The following ZNF600 variants were observed in gnomAD, a reference collection of about 807,000 sequenced individuals.
ZNF600 encodes zinc finger protein 600.
Under a neutral mutation model 7.3 loss-of-function variants are expected in ZNF600, and 4 were observed. The observed-to-expected ratio is 0.55, with a 90% CI of 0.27 to 1.25. The LOEUF is 1.25. Ranked by LOEUF, ZNF600 falls within the 50% of genes most tolerant of loss-of-function variation. The pLI is 0.12. For synonymous variants in ZNF600, 290 were observed against 308.9 expected (o/e 0.94, Z 0.64); for missense variants, 911 against 922.1 (o/e 0.99, Z 0.16).
At chr19:52,785,016 C>G (rs111412494) in intron 1 of ZNF600, among the ~76,000 whole-genome samples, 2 of 152,288 alleles carry the variant, frequency 1.3e-5, no homozygotes, top group East Asian at 3.9e-4. Context: ...AGATTACAGG[C>G]ATGAGCCACT....
chr19:52,777,058 C>T (rs995209819), intron 2 of ZNF600, among the ~76,000 whole-genome samples: 5 of 152,112 alleles, frequency 3.3e-5, no homozygotes, highest in African/African-American at 1.2e-4. Flanking sequence ...TGCCTATCTC[C>T]ACTTTCCACT....
the ZNF600 span, among the ~76,000 whole-genome samples, chr19:52,817,069 T>C: frequency 6.6e-6 from 1 of 152,064 alleles, no homozygotes. Context: ...TGATTTCATG[T>C]TCTTAAAATA....
chr19:52,778,170 C>A lies in ZNF600; in HGVS notation c.63+656G>T, dbSNP rs540974890. Among the ~76,000 whole-genome samples the A allele has an allele frequency of 2.6e-5, 4 of 152,160 alleles. No individual in the cohort carries two copies. In the South Asian group the frequency reaches 8.3e-4, roughly 32 times the overall value. On this transcript the variant is annotated intron_variant, in intron 2 of 3. Coordinates refer to ENST00000648973, the Ensembl canonical transcript of ZNF600. ...ATGAGATTACAGGCATGCACCACCACCCCAAGCTAATTTTTGTACTTTTAG... is the reference window on the plus strand; with the variant it reads ...ATGAGATTACAGGCATGCACCACCAACCCAAGCTAATTTTTGTACTTTTAG...
intron 1 of ZNF600, among the ~76,000 whole-genome samples, chr19:52,783,569 G>GCCAGGA (rs1467143811): frequency 6.6e-6 from 1 of 152,100 alleles, no homozygotes; most frequent in Non-Finnish European, 1.5e-5. Context: ...CACCGTGTTA[G>GCCAGGA]CCAGGACGGT....
the ZNF600 span, among the ~76,000 whole-genome samples, chr19:52,804,519 C>T: frequency 5.9e-5 from 9 of 152,216 alleles, no homozygotes; most frequent in Non-Finnish European, 1.0e-4. Context: ...TACAGGCGCA[C>T]GCCACCATAC....
chr19:52,774,473 A>AT, intron 3 of ZNF600, 102 bp downstream of exon 5: 1 of 945,232 alleles, frequency 1.1e-6, no homozygotes, highest in Non-Finnish European at 1.2e-6. Flanking sequence ...AAAAAAAAAA[A>AT]GCCATGCATG....
chr19:52,771,347 T>TC (rs2062628619), intron 3 of ZNF600, among the ~76,000 whole-genome samples: 1 of 151,844 alleles, frequency 6.6e-6, no homozygotes, highest in African/African-American at 2.4e-5. Flanking sequence ...TTCAGCTATT[T>TC]CTTTTTTTTT....
chr19:52,817,233 A>C, the ZNF600 span, among the ~76,000 whole-genome samples: 1 of 152,054 alleles, frequency 6.6e-6, no homozygotes, highest in African/African-American at 2.4e-5. Flanking sequence ...TTAGCTGAGC[A>C]TGGTGGCGCA....
At chr19:52,829,411 A>G in the ZNF600 span, among the ~76,000 whole-genome samples, 1 of 127,708 alleles carries the variant, frequency 7.8e-6, no homozygotes, top group Non-Finnish European at 1.5e-5. Context: ...TTTCACTCTT[A>G]TTGCCCAGGC....
chr19:52,832,017 C>G, the ZNF600 span, among the ~76,000 whole-genome samples: 1 of 151,164 alleles, frequency 6.6e-6, no homozygotes, highest in Admixed American at 6.6e-5. Flanking sequence ...TAAAACAATG[C>G]AAATGTTGTG....
the ZNF600 span, among the ~76,000 whole-genome samples, chr19:52,794,290 A>T: frequency 6.6e-6 from 1 of 152,190 alleles, no homozygotes; most frequent in African/African-American, 2.4e-5. Flanking sequence ...TCCATTTAAA[A>T]TTCAAATCAC....
chr19:52,826,039 C>G, the ZNF600 span, among the ~76,000 whole-genome samples: 1 of 152,136 alleles, frequency 6.6e-6, no homozygotes, highest in Admixed American at 6.5e-5. Context: ...GTAGGACTTA[C>G]GCTGACTTGC....
chr19:52,774,632 G>A lies in ZNF600; in HGVS notation c.133C>T (p.Gln45Ter). The A allele has an allele frequency of 1.0e-6, 1 of 985,300 alleles. No homozygotes were observed. The highest frequency in any genetic ancestry group is 1.2e-6 in the Non-Finnish European group (1 of 829,898). 61.0% of individuals were successfully genotyped at this position (985,300 alleles called of 1,614,324 possible). A position where few individuals can be genotyped will look rare whatever the true frequency, so the allele number is the denominator to read the frequency against. The change falls in exon 3 of 4, where the codon CAG (glutamine) becomes TAG (stop). Residue 45 changes from glutamine (Q) to a stop codon, truncating the protein, a stop_gained. Transcript: ENST00000648973. LOFTEE classifies it high-confidence loss of function. ...ATCACTTCCCTGTACAAAGCCCTCTGCGAAGGGTTCAGGCATTTCCACTCT... is the reference window on the plus strand; with the variant it reads ...ATCACTTCCCTGTACAAAGCCCTCTACGAAGGGTTCAGGCATTTCCACTCT...
the ZNF600 span, among the ~76,000 whole-genome samples, chr19:52,810,863 CTCCCCCTCCCCCT>C: frequency 3.9e-4 from 1 of 2,572 alleles, no homozygotes; most frequent in Non-Finnish European, 6.5e-4. Flanking sequence ...CCCTCTCCCC[CTCCCCCTCCCCCT>C]CCCCCTCCCC....
chr19:52,794,313 C>T, the ZNF600 span, among the ~76,000 whole-genome samples: 1 of 152,166 alleles, frequency 6.6e-6, no homozygotes, highest in Non-Finnish European at 1.5e-5. Flanking sequence ...CTGAGCATCA[C>T]CCTCTCCTAC....
At chr19:52,799,778 T>C in the ZNF600 span, 3 of 1,614,176 alleles carry the variant, frequency 1.9e-6, no homozygotes, top group Non-Finnish European at 2.5e-6. Context: ...ACTTGTAAGG[T>C]TTCTCTCCAG....
chr19:52,799,087 A>T, the ZNF600 span: 1 of 434,800 alleles, frequency 2.3e-6, no homozygotes, highest in Non-Finnish European at 4.4e-6. Context: ...ACTTTGTCAC[A>T]GTCTTCACAT....
At chr19:52,828,872 T>G in the ZNF600 span, among the ~76,000 whole-genome samples, 1 of 152,168 alleles carries the variant, frequency 6.6e-6, no homozygotes, top group East Asian at 1.9e-4. Flanking sequence ...TCTTTATTTA[T>G]TTTTTTGAGA....
the ZNF600 span, among the ~76,000 whole-genome samples, chr19:52,822,335 G>A: frequency 6.6e-6 from 1 of 152,002 alleles, no homozygotes; most frequent in African/African-American, 2.4e-5. Context: ...GCCTCCCCAA[G>A]TGCTGGGATT....
Sources: allele counts gnomAD v4.1 joint callset (sites outside exome capture counted in the v4.1 genomes callset), GRCh38; gene constraint gnomAD v4.1.1; transcripts MANE v1.5; gene names NCBI Gene and HGNC (gene_info 2026-07-23, HGNC 2026-07-21).